The following CBX1 variants were observed in gnomAD, a reference collection of about 807,000 sequenced individuals.
The protein encoded by CBX1 is chromobox protein homolog 1.
CBX1 carries 10 observed loss-of-function variants against 25.1 expected under a neutral mutation model. That is an observed-to-expected ratio of 0.40 (90% CI 0.25 to 0.68). The LOEUF (loss-of-function observed/expected upper bound fraction) is 0.68. Ranked by LOEUF, CBX1 falls within the 30% of genes least tolerant of loss-of-function variation. The pLI, the probability that CBX1 is intolerant of heterozygous loss-of-function variation, is 0.40. For missense variants in CBX1, 106 were observed against 218.5 expected, an observed-to-expected ratio of 0.49 and a Z score of 3.25; for synonymous variants, 63 against 79.4, an observed-to-expected ratio of 0.79 and a Z score of 1.10.
At chr17:48,098,487 G>A (rs916395919) in intron 1 of CBX1, among the ~76,000 whole-genome samples, 6 of 150,990 alleles carry the variant, frequency 4.0e-5, no homozygotes, top group Admixed American at 2.0e-4. Flanking sequence ...CAAGAGGTGC[G>A]TCCCCATTTT....
intron 1 of CBX1, among the ~76,000 whole-genome samples, chr17:48,083,981 T>C (rs2037762224): frequency 6.7e-6 from 1 of 150,160 alleles, no homozygotes; most frequent in Admixed American, 6.6e-5. Context: ...TACAAACACT[T>C]TACTCATTTA....
At chr17:48,084,504 G>A (rs553184283) in intron 1 of CBX1, among the ~76,000 whole-genome samples, 13 of 148,682 alleles carry the variant, frequency 8.7e-5, no homozygotes, top group Admixed American at 8.6e-4. Flanking sequence ...CCACTGTGCC[G>A]GGCGCCAAGC....
intron 4 of CBX1, among the ~76,000 whole-genome samples, chr17:48,073,644 T>A (rs2037646780): frequency 6.6e-6 from 1 of 151,936 alleles, no homozygotes; most frequent in African/African-American, 2.4e-5. Context: ...CTGGCCAACA[T>A]GGTGAAACCC....
intron 1 of CBX1, among the ~76,000 whole-genome samples, chr17:48,084,842 G>A (rs996242774): frequency 2.0e-5 from 3 of 150,594 alleles, no homozygotes; most frequent in Non-Finnish European, 4.4e-5. Flanking sequence ...CCCAGGAGAC[G>A]GAGCTTGCAG....
intron 2 of CBX1, 87 bp from the exon 3 acceptor site, chr17:48,076,265 A>T: frequency 9.4e-7 from 1 of 1,064,430 alleles, no homozygotes; most frequent in Non-Finnish European, 1.3e-6. Context: ...AAGACCTCAG[A>T]TGTCTATGGA....
At chr17:48,073,568 T>C (rs916863546) in intron 4 of CBX1, among the ~76,000 whole-genome samples, 15 of 152,212 alleles carry the variant, frequency 9.9e-5, no homozygotes, top group Admixed American at 5.2e-4. Flanking sequence ...GGCTCACGCC[T>C]GTAATCCTAG....
Position 48,074,986 on chromosome 17 carries a change from A to C in CBX1, c.413+20T>G. On this transcript the variant is annotated intron_variant, in intron 4 of 4. Transcript: ENST00000225603. ...GGGAGAAGAAAAAAAACAACCACAC[A>C]GAGCCACTGGCCGACTCACCATTTC... The C allele has an allele frequency of 6.4e-7, 1 of 1,553,396 alleles. No homozygotes were observed. The highest frequency in any genetic ancestry group is 8.9e-7 in the Non-Finnish European group (1 of 1,124,612).
At chr17:48,074,150 A>G (rs2037652868) in intron 4 of CBX1, among the ~76,000 whole-genome samples, 4 of 152,212 alleles carry the variant, frequency 2.6e-5, no homozygotes. Context: ...ATACTGTAAA[A>G]GAGGATAATT....
chr17:48,092,253 G>A (rs1433633663), intron 1 of CBX1, among the ~76,000 whole-genome samples: 1 of 151,414 alleles, frequency 6.6e-6, no homozygotes, highest in Non-Finnish European at 1.5e-5. Context: ...CCCTCCCAAA[G>A]TGCTGGGATT....
At chr17:48,085,253 C>T (rs2144449537) in intron 1 of CBX1, among the ~76,000 whole-genome samples, 1 of 152,288 alleles carries the variant, frequency 6.6e-6, no homozygotes, top group South Asian at 2.1e-4. Context: ...GTGAGATAAG[C>T]CATTCAGATG....
intron 4 of CBX1, among the ~76,000 whole-genome samples, chr17:48,071,995 AT>A (rs5820681): frequency 0.83 from 101,156 of 121,394 alleles, 41,774 homozygotes; most frequent in East Asian, 0.93. Context: ...TTGTAATAGG[AT>A]TTTTTTTTTT....
At chr17:48,094,928 T>G (rs1167012488) in intron 1 of CBX1, among the ~76,000 whole-genome samples, 1 of 150,614 alleles carries the variant, frequency 6.6e-6, no homozygotes, top group African/African-American at 2.4e-5. Context: ...ATGCCTGTAA[T>G]CCCAGCCACT....
intron 1 of CBX1, among the ~76,000 whole-genome samples, chr17:48,080,951 A>AAAAATAAATATATATAT (rs1567765514): frequency 3.0e-5 from 1 of 33,276 alleles, no homozygotes; most frequent in Non-Finnish European, 5.3e-5. Flanking sequence ...AAAAAAAAAA[A>AAAAATAAATATATATAT]ATATATATAT....
chr17:48,100,939 C>T (rs1057174730), intron 1 of CBX1: 1 of 986,316 alleles, frequency 1.0e-6, no homozygotes, highest in African/African-American at 1.7e-5. Flanking sequence ...CCCCTTCCGC[C>T]CTATCCCGCA....
chr17:48,077,435 T>G (rs1191807656), intron 1 of CBX1, among the ~76,000 whole-genome samples: 3,652 of 26,742 alleles, frequency 0.14, 195 homozygotes, highest in African/African-American at 0.22. Context: ...TTTTTGTTGT[T>G]TTTTTTTTTG....
Position 48,071,449 on chromosome 17 carries a change from C to CT in CBX1, c.543dup (p.Asp182ArgfsTer2). 6.2e-7 allele frequency: 1 copy of CT among 1,610,434 alleles called. No individual in the cohort carries two copies. Among genetic ancestry groups the CT allele is most frequent in the Non-Finnish European group, 8.5e-7 (1 of 1,178,804 alleles). On this transcript the variant is annotated frameshift_variant, in exon 5 of 5. Coordinates refer to ENST00000225603, the MANE Select transcript of CBX1 (RefSeq NM_001127228.2). LOFTEE classifies it high-confidence loss of function. ...ACTCAGGAGCGTTAGTTCTTGTCATCTTTTTTGTCATCATCCTCCGAGGGG... is the reference window on the plus strand; with the variant it reads ...ACTCAGGAGCGTTAGTTCTTGTCATCTTTTTTTGTCATCATCCTCCGAGGGG...
intron 1 of CBX1, among the ~76,000 whole-genome samples, chr17:48,096,585 A>T (rs2144472869): frequency 6.6e-6 from 1 of 152,198 alleles, no homozygotes; most frequent in Non-Finnish European, 1.5e-5. Flanking sequence ...CAGCCTGGCC[A>T]ACATGGTGAG....
chr17:48,074,929 G>C, intron 4 of CBX1, 77 bp downstream of exon 4: 1 of 1,021,868 alleles, frequency 9.8e-7, no homozygotes, highest in South Asian at 1.3e-5. Flanking sequence ...AATTTCGAAG[G>C]TCCAGCTCTT....
At chr17:48,094,074 A>G (rs901310024) in intron 1 of CBX1, among the ~76,000 whole-genome samples, 108 of 135,400 alleles carry the variant, frequency 8.0e-4, no homozygotes, top group African/African-American at 2.9e-3. Context: ...AGATCGTGCC[A>G]CTGCACTCCA....
Sources: allele counts gnomAD v4.1 joint callset (sites outside exome capture counted in the v4.1 genomes callset), GRCh38; gene constraint gnomAD v4.1.1; transcripts MANE v1.5; gene names NCBI Gene and HGNC (gene_info 2026-07-23, HGNC 2026-07-21).